Variants in FHIT observed in about 807,000 individuals in gnomAD.
The protein encoded by FHIT is bis(5'-adenosyl)-triphosphatase.
Under a neutral mutation model 17.9 loss-of-function variants are expected in FHIT, and 19 were observed. The observed-to-expected ratio is 1.06, with a 90% CI of 0.74 to 1.56. The LOEUF (loss-of-function observed/expected upper bound fraction) is 1.56, where lower values mean the gene tolerates loss of function less well. Ranked by LOEUF, FHIT falls within the 40% of genes most tolerant of loss-of-function variation. The pLI is 0.00. For synonymous variants in FHIT, 81 were observed against 69.7 expected, an observed-to-expected ratio of 1.16 and a Z score of -0.81; for missense variants, 248 against 189.2, an observed-to-expected ratio of 1.31 and a Z score of -1.82.
intron 4 of FHIT, among the ~76,000 whole-genome samples, chr3:60,565,717 G>A (rs1414710211): frequency 6.6e-6 from 1 of 152,110 alleles, no homozygotes; most frequent in Non-Finnish European, 1.5e-5. Flanking sequence ...ACCAGCTCCT[G>A]GATTCACTGA....
chr3:60,851,006 A>G lies in FHIT; in HGVS notation c.-110-28995T>C, dbSNP rs574239450. Among the ~76,000 whole-genome samples the G allele has an allele frequency of 4.6e-5, 7 of 152,190 alleles. No homozygotes were observed. The East Asian group carries it at 5.8e-4, about 13-fold the overall frequency. ...CTTTTACACTCACTCCCATATACAC[A>G]CATACACAAAGGAAAGCTCACATTT... On this transcript the variant is annotated intron_variant, in intron 3 of 9. Transcript: ENST00000492590.
intron 4 of FHIT, among the ~76,000 whole-genome samples, chr3:60,791,367 T>C (rs1264647699): frequency 2.6e-5 from 4 of 152,198 alleles, no homozygotes; most frequent in Non-Finnish European, 5.9e-5. Flanking sequence ...ATAAAAACCT[T>C]GCTAATAATG....
chr3:60,962,789 G>A (rs1013144159), intron 3 of FHIT, among the ~76,000 whole-genome samples: 7 of 152,236 alleles, frequency 4.6e-5, no homozygotes, highest in South Asian at 2.1e-4. Flanking sequence ...CAACTTGATC[G>A]TGGTGGATAA....
intron 7 of FHIT, among the ~76,000 whole-genome samples, chr3:59,934,001 G>C (rs911074720): frequency 6.6e-6 from 1 of 151,932 alleles, no homozygotes; most frequent in African/African-American, 2.4e-5. Context: ...ACTAAAACAG[G>C]GCCCCTCAAG....
At chr3:60,533,313 C>G (rs1360802242) in intron 5 of FHIT, among the ~76,000 whole-genome samples, 1 of 152,188 alleles carries the variant, frequency 6.6e-6, no homozygotes, top group African/African-American at 2.4e-5. Flanking sequence ...ATTCTGTTAA[C>G]TGGAACAATG....
chr3:60,955,374 C>T (rs528213628), intron 3 of FHIT, among the ~76,000 whole-genome samples: 1 of 151,988 alleles, frequency 6.6e-6, no homozygotes, highest in South Asian at 2.1e-4. Context: ...TGTTCCCAAT[C>T]CCCTTAGTTC....
At chr3:60,072,199 C>T (rs753821329) in intron 5 of FHIT, among the ~76,000 whole-genome samples, 22 of 152,196 alleles carry the variant, frequency 1.4e-4, no homozygotes, top group Non-Finnish European at 2.9e-4. Flanking sequence ...GACAAACACT[C>T]TTGCTTTAAG....
intron 3 of FHIT, among the ~76,000 whole-genome samples, chr3:60,848,743 C>T (rs897738507): frequency 1.3e-5 from 2 of 152,082 alleles, no homozygotes; most frequent in Non-Finnish European, 2.9e-5. Flanking sequence ...TACACAATGT[C>T]TAGCAGGTGG....
chr3:60,655,992 G>C (rs2040105549), intron 4 of FHIT, among the ~76,000 whole-genome samples: 1 of 152,186 alleles, frequency 6.6e-6, no homozygotes, highest in South Asian at 2.1e-4. Context: ...ACTTATTACT[G>C]CACCCTGTGT....
chr3:60,351,261 T>A (rs1699381669), intron 5 of FHIT, among the ~76,000 whole-genome samples: 1 of 152,176 alleles, frequency 6.6e-6, no homozygotes, highest in South Asian at 2.1e-4. Flanking sequence ...CATTGTTTAG[T>A]TTGACTGATA....
At chr3:60,961,201 TC>T (rs1709420823) in intron 3 of FHIT, among the ~76,000 whole-genome samples, 1 of 152,240 alleles carries the variant, frequency 6.6e-6, no homozygotes, top group Non-Finnish European at 1.5e-5. Flanking sequence ...GAGCATGTTT[TC>T]CTGTGTCTAT....
At chr3:60,924,138 C>T (rs367953682) in intron 3 of FHIT, among the ~76,000 whole-genome samples, 3 of 152,222 alleles carry the variant, frequency 2.0e-5, no homozygotes, top group Admixed American at 6.5e-5. Context: ...GGGGGCAGGG[C>T]ATAGACAAAC....
intron 3 of FHIT, among the ~76,000 whole-genome samples, chr3:60,892,162 C>T (rs1285375493): frequency 6.6e-6 from 1 of 152,182 alleles, no homozygotes; most frequent in Non-Finnish European, 1.5e-5. Flanking sequence ...CTTTTAAAGC[C>T]TGAAATTTCA....
chr3:60,426,838 G>A (rs1005566854), intron 5 of FHIT, among the ~76,000 whole-genome samples: 177 of 152,168 alleles, frequency 1.2e-3, no homozygotes, highest in African/African-American at 4.2e-3. Flanking sequence ...TGCTCTCTAC[G>A]ACTTTTGGTC....
chr3:59,881,869 C>A (rs1180008891), intron 8 of FHIT, among the ~76,000 whole-genome samples: 1 of 152,120 alleles, frequency 6.6e-6, no homozygotes, highest in African/African-American at 2.4e-5. Flanking sequence ...CATATCATTT[C>A]TGGTAGACAA....
chr3:60,206,804 TA>T (rs1383516675), intron 5 of FHIT, among the ~76,000 whole-genome samples: 1 of 151,946 alleles, frequency 6.6e-6, no homozygotes, highest in Admixed American at 6.6e-5. Flanking sequence ...GGCTGCCCTT[TA>T]AAAATCCCCA....
chr3:60,116,849 C>T (rs1460625328), intron 5 of FHIT, among the ~76,000 whole-genome samples: 1 of 82,398 alleles, frequency 1.2e-5, no homozygotes, highest in Non-Finnish European at 2.3e-5. Context: ...AATTTTAAAA[C>T]ACAAAAAAAT....
At chr3:61,076,664 T>C (rs1478268918) in intron 2 of FHIT, among the ~76,000 whole-genome samples, 3 of 152,202 alleles carry the variant, frequency 2.0e-5, no homozygotes, top group African/African-American at 7.2e-5. Context: ...GTGTATATTG[T>C]TTCTAATTTC....
At chr3:61,205,784 T>C (rs2106715464) in intron 1 of FHIT, among the ~76,000 whole-genome samples, 1 of 152,120 alleles carries the variant, frequency 6.6e-6, no homozygotes, top group South Asian at 2.1e-4. Flanking sequence ...TTCACTCTGA[T>C]GGTAGTTTCT....
Sources: gnomAD v4.1 joint callset for allele counts (sites outside exome capture counted in the v4.1 genomes callset) on GRCh38, gnomAD v4.1.1 for gene constraint, MANE v1.5 for transcripts, NCBI Gene and HGNC (gene_info 2026-07-23, HGNC 2026-07-21) for gene names.